PHF8: variants seen among roughly 807,000 people sequenced by gnomAD.
The protein encoded by PHF8 is PHD finger protein 8.
Under a neutral mutation model 74.4 loss-of-function variants are expected in PHF8, and 9 were observed. That is an observed-to-expected ratio of 0.12 (90% CI 0.07 to 0.21). The LOEUF is 0.21. Among genes scored for constraint, PHF8 ranks in the 10% least tolerant of loss-of-function variants. The pLI is 1.00. For synonymous variants in PHF8, 311 were observed against 316.6 expected (o/e 0.98, Z 0.19); for missense variants, 478 against 816.6 (o/e 0.59, Z 5.05).
intron 18 of PHF8, among the ~76,000 whole-genome samples, chrX:53,975,396 A>G (rs905648362): frequency 1.8e-5 from 2 of 112,640 alleles, no homozygotes; most frequent in Non-Finnish European, 1.9e-5. Context: ...AGACATCAGT[A>G]TATCAAAGAG....
chrX:53,991,661 CAAA>C (rs1201744328), intron 14 of PHF8, among the ~76,000 whole-genome samples: 1 of 16,754 alleles, frequency 6.0e-5, no homozygotes, highest in Non-Finnish European at 1.1e-4. Context: ...GACTCTGTCT[CAAA>C]AAAAAAAAAA....
At position 53,944,027 on chromosome X, in the gene PHF8, T is replaced by C. The variant is rs1329414174; in HGVS notation, c.2649+107A>G. The C allele has an allele frequency of 4.8e-5, 25 of 522,986 alleles. No individual in the cohort carries two copies. In the African/African-American group the frequency reaches 5.5e-4, roughly 11 times the overall value. 43.1% of individuals were successfully genotyped at this position (522,986 alleles called of 1,213,427 possible). A position where few individuals can be genotyped will look rare whatever the true frequency, so the allele number is the denominator to read the frequency against. Reference sequence around the variant, plus strand: ...AGGATAAAGATCAAAGGTTACTCAATCCCCATTGAGACAAAGGTGGGATCC... The same window carrying C: ...AGGATAAAGATCAAAGGTTACTCAACCCCCATTGAGACAAAGGTGGGATCC... On this transcript the variant is annotated intron_variant, in intron 20 of 21. Transcript: ENST00000338154.
rs781911135 is a variant in PHF8, at chrX:54,025,112, G to A, written c.99-2269C>T. On this transcript the variant is annotated intron_variant, in intron 2 of 21. Transcript: ENST00000338154. ...AGGATGGTCTCGATCTCCTGACCTC[G>A]TGATCCGCCCGCCTCGGCCTCCCAA... Among the ~76,000 whole-genome samples, 30 of 110,894 alleles carry A rather than the reference G, an allele frequency of 2.7e-4. 1 individual carries two copies. In the East Asian group the frequency reaches 7.4e-3, roughly 27 times the overall value.
chrX:54,033,112 C>G (rs2066389895), intron 2 of PHF8, among the ~76,000 whole-genome samples: 1 of 111,262 alleles, frequency 9.0e-6, no homozygotes, highest in African/African-American at 3.3e-5. Context: ...CTTCCACCCC[C>G]ACCTGGCAGT....
chrX:53,974,775 G>A (rs906016401), intron 18 of PHF8, among the ~76,000 whole-genome samples: 1 of 111,910 alleles, frequency 8.9e-6, no homozygotes, highest in Admixed American at 9.5e-5. Context: ...GGATGGAGCT[G>A]GAAGCTGTTA....
intron 18 of PHF8, among the ~76,000 whole-genome samples, chrX:53,972,216 G>A (rs2065302858): frequency 9.4e-6 from 1 of 106,528 alleles, no homozygotes; most frequent in Non-Finnish European, 1.9e-5. Context: ...CCAGCTACTC[G>A]AGAGGCTGAG....
intron 18 of PHF8, among the ~76,000 whole-genome samples, chrX:53,972,512 C>T (rs938660307): frequency 1.8e-5 from 2 of 110,642 alleles, no homozygotes; most frequent in African/African-American, 3.3e-5. Context: ...AATCAATAAA[C>T]GTAATTCATC....
intron 3 of PHF8, 30 bp from the exon 4 acceptor site, chrX:54,022,397 G>A: frequency 1.1e-6 from 1 of 928,537 alleles, no homozygotes; most frequent in Non-Finnish European, 1.6e-6. Flanking sequence ...GAGATTGTGA[G>A]TCAGAACGGT....
chrX:53,945,201 C>T (rs1557084806), intron 19 of PHF8, among the ~76,000 whole-genome samples: 6 of 109,712 alleles, frequency 5.5e-5, no homozygotes, highest in African/African-American at 2.0e-4. Flanking sequence ...AAAAATTGGC[C>T]AGGCATGGTG....
At chrX:53,978,158 G>A (rs1244827267) in intron 18 of PHF8, among the ~76,000 whole-genome samples, 1 of 108,736 alleles carries the variant, frequency 9.2e-6, no homozygotes, top group South Asian at 4.2e-4. Flanking sequence ...ATATTGGCCA[G>A]GCTGGTCTCG....
At chrX:53,995,803 G>A (rs1233577916) in intron 11 of PHF8, 21 bp from the exon 12 acceptor site, 3 of 1,019,607 alleles carry the variant, frequency 2.9e-6, no homozygotes, top group Non-Finnish European at 4.1e-6. Context: ...AGAGGCATGA[G>A]GAATAAACCC....
At chrX:53,971,858 A>C (rs1557094630) in intron 18 of PHF8, among the ~76,000 whole-genome samples, 1 of 111,343 alleles carries the variant, frequency 9.0e-6, no homozygotes, top group Non-Finnish European at 1.9e-5. Context: ...CCAACCAAAA[A>C]AAGCCCAGGA....
At chrX:54,006,712 G>T (rs1318968147) in intron 8 of PHF8, among the ~76,000 whole-genome samples, 1 of 111,006 alleles carries the variant, frequency 9.0e-6, no homozygotes, top group Non-Finnish European at 1.9e-5. Flanking sequence ...AAGGCAGGTG[G>T]ATCACCTGAG....
intron 2 of PHF8, among the ~76,000 whole-genome samples, chrX:54,031,473 G>A (rs1389308593): frequency 9.2e-6 from 1 of 108,809 alleles, no homozygotes; most frequent in African/African-American, 3.4e-5. Flanking sequence ...GCGTACCTAG[G>A]AAGTGTCTCC....
rs1557099368 is a variant in PHF8 at position 53,985,751 on chromosome X, C to T, written c.2129+65G>A. The stretch of plus-strand genomic sequence containing the variant: ...TATCTACTGATTGGCTGACCTGGCA[C>T]CTTGGGCGGGAGCGGGGGTTGCTGT... On this transcript the variant is annotated intron_variant, in intron 17 of 21. Transcript: ENST00000338154. The T allele has an allele frequency of 4.1e-6, 5 of 1,209,220 alleles. No individual in the cohort carries two copies. In the South Asian group the frequency reaches 7.1e-5, roughly 17 times the overall value.
intron 2 of PHF8, among the ~76,000 whole-genome samples, chrX:54,023,353 G>T (rs2146459140): frequency 9.0e-6 from 1 of 111,367 alleles, no homozygotes. Context: ...GTCAACAGTA[G>T]TTCTAAATGA....
chrX:54,015,162 CTT>C (rs11351496), intron 6 of PHF8, among the ~76,000 whole-genome samples: 2 of 107,478 alleles, frequency 1.9e-5, no homozygotes, highest in South Asian at 4.0e-4. Flanking sequence ...AGTTTTCTCT[CTT>C]TTTTTTTTGG....
intron 14 of PHF8, among the ~76,000 whole-genome samples, chrX:53,989,096 G>A (rs1569527109): frequency 9.1e-6 from 1 of 109,305 alleles, no homozygotes; most frequent in Non-Finnish European, 1.9e-5. Flanking sequence ...CCAAGTAGCT[G>A]GGATTACAGG....
chrX:53,991,696 T>C (rs2065666805), intron 14 of PHF8, among the ~76,000 whole-genome samples: 1 of 92,455 alleles, frequency 1.1e-5, no homozygotes, highest in Admixed American at 1.2e-4. Context: ...CAAAACTTGG[T>C]ATGAGAAGTA....
Sources: gnomAD v4.1 joint callset for allele counts (sites outside exome capture counted in the v4.1 genomes callset) on GRCh38, gnomAD v4.1.1 for gene constraint, MANE v1.5 for transcripts, NCBI Gene and HGNC (gene_info 2026-07-23, HGNC 2026-07-21) for gene names.